The following CDH8 variants were observed in gnomAD, a reference collection of about 807,000 sequenced individuals.
CDH8 encodes cadherin-8.
In CDH8, 17 loss-of-function variants were observed where a neutral mutation model predicts 68.1. The ratio of observed to expected loss-of-function variants is 0.25; its 90% CI spans 0.17 to 0.37. The LOEUF is 0.37. CDH8 is among the 10% of genes least tolerant of loss of function. CDH8 has a pLI of 1.00. For synonymous variants in CDH8, 372 were observed against 365.1 expected (o/e 1.02, Z -0.21); for missense variants, 763 against 999.3 (o/e 0.76, Z 3.19).
intron 1 of CDH8, among the ~76,000 whole-genome samples, chr16:62,032,722 G>A (rs1259136886): frequency 1.3e-5 from 2 of 152,140 alleles, no homozygotes; most frequent in Non-Finnish European, 1.5e-5. Context: ...GACCAGAAAA[G>A]TGTGGTTGGA....
chr16:62,028,466 A>G (rs1902248017), intron 1 of CDH8, among the ~76,000 whole-genome samples: 1 of 152,120 alleles, frequency 6.6e-6, no homozygotes, highest in Admixed American at 6.5e-5. Flanking sequence ...CTTTGCAAAA[A>G]TCAATAAATA....
chr16:61,870,014 T>C (rs374899745), intron 3 of CDH8, among the ~76,000 whole-genome samples: 1 of 152,236 alleles, frequency 6.6e-6, no homozygotes, highest in African/African-American at 2.4e-5. Flanking sequence ...ACTACCTTTA[T>C]GTTTACCCTT....
At chr16:62,009,031 CAA>C (rs11305570) in intron 2 of CDH8, among the ~76,000 whole-genome samples, 82 of 140,948 alleles carry the variant, frequency 5.8e-4, no homozygotes, top group East Asian at 1.0e-3. Flanking sequence ...TATACACACA[CAA>C]AAAAAAAAAA....
intron 3 of CDH8, among the ~76,000 whole-genome samples, chr16:61,872,340 T>G (rs7189354): frequency 0.54 from 82,138 of 151,974 alleles, 24,618 homozygotes; most frequent in African/African-American, 0.82. Context: ...ATACAGATTG[T>G]TTCTATGCAT....
Position 61,713,906 on chromosome 16 carries a change from T to C in CDH8, c.1589A>G (p.Tyr530Cys). The change falls in exon 10 of 12, where the codon TAT (tyrosine) becomes TGT (cysteine). Residue 530 changes from tyrosine (Y) to cysteine (C), a missense_variant. By Grantham distance (194) the Tyr-to-Cys change is radical (BLOSUM62 -2). Around this residue, in one of 2 missense-constraint regions of CDH8, gnomAD observed 397 missense variants for 436.2 expected, o/e 0.91. Coordinates refer to ENST00000577390, the MANE Select transcript of CDH8 (RefSeq NM_001796.5). ...TTCTGGAAGGAGACTGTATAAGAAATAATGTCCGTTTTTGGGATCATCTTT... is the reference window on the plus strand; with the variant it reads ...TTCTGGAAGGAGACTGTATAAGAAACAATGTCCGTTTTTGGGATCATCTTT... Reference protein sequence around the residue: ...MDKDDPKNGHYFLYSLLPEMV... With the variant: ...MDKDDPKNGHCFLYSLLPEMV... 6.2e-7 allele frequency: 1 copy of C among 1,610,172 alleles called. No individual in the cohort carries two copies. The highest frequency in any genetic ancestry group is 8.5e-7 in the Non-Finnish European group (1 of 1,177,066).
intron 1 of CDH8, among the ~76,000 whole-genome samples, chr16:62,025,592 C>A (rs897216122): frequency 1.3e-5 from 2 of 152,238 alleles, no homozygotes; most frequent in African/African-American, 4.8e-5. Context: ...CCTGTCACAT[C>A]GTCTGTAGGG....
At chr16:61,739,884 C>CATATAT (rs35095367) in intron 8 of CDH8, among the ~76,000 whole-genome samples, 5,625 of 101,120 alleles carry the variant, frequency 0.056, 228 homozygotes, top group Non-Finnish European at 0.065. Flanking sequence ...CAACATATTC[C>CATATAT]ATATATATAT....
At chr16:61,726,734 T>C (rs1959381664) in intron 9 of CDH8, 3 of 334,136 alleles carry the variant, frequency 9.0e-6, no homozygotes, top group Non-Finnish European at 1.6e-5. Context: ...GAAACAAATG[T>C]CTCCTCTCCA....
chr16:61,767,321 T>C (rs1960620583), intron 8 of CDH8, among the ~76,000 whole-genome samples: 1 of 151,970 alleles, frequency 6.6e-6, no homozygotes, highest in South Asian at 2.1e-4. Flanking sequence ...CACATTCTAA[T>C]TATGAATTCA....
At chr16:61,732,719 C>T (rs993996389) in intron 8 of CDH8, among the ~76,000 whole-genome samples, 4 of 151,680 alleles carry the variant, frequency 2.6e-5, no homozygotes, top group Non-Finnish European at 5.9e-5. Flanking sequence ...GTAATTATGC[C>T]CTTATAAAAG....
chr16:61,735,178 A>G (rs1406852732), intron 8 of CDH8, among the ~76,000 whole-genome samples: 1 of 152,074 alleles, frequency 6.6e-6, no homozygotes, highest in Non-Finnish European at 1.5e-5. Context: ...CAAGATCCTT[A>G]CTTAATTACA....
chr16:61,840,412 T>G (rs1346440281), intron 4 of CDH8, among the ~76,000 whole-genome samples: 5 of 152,206 alleles, frequency 3.3e-5, no homozygotes, highest in Non-Finnish European at 7.3e-5. Flanking sequence ...CCATGTGCAT[T>G]CTAGTGGGAT....
chr16:61,959,806 C>A lies in CDH8; in HGVS notation c.253-58333G>T, dbSNP rs138426378. Among the ~76,000 whole-genome samples the A allele has an allele frequency of 3.9e-3, 553 of 143,452 alleles. 8 individuals carry two copies. The highest frequency in any genetic ancestry group is 0.014 in the African/African-American group (529 of 37,860). 94.1% of individuals were successfully genotyped at this position (143,452 alleles called of 152,430 possible). On this transcript the variant is annotated intron_variant, in intron 2 of 11. Transcript: ENST00000577390. Reference sequence around the variant, plus strand: ...GGAGGATATGGTCATTATACCTTAACAAATCTCTCTCTCTCTGTATGTGTG... The same window carrying A: ...GGAGGATATGGTCATTATACCTTAAAAAATCTCTCTCTCTCTGTATGTGTG...
At chr16:61,978,644 G>C (rs6498816) in intron 2 of CDH8, among the ~76,000 whole-genome samples, 82,086 of 151,926 alleles carry the variant, frequency 0.54, 22,542 homozygotes, top group East Asian at 0.67. Context: ...GTCCCCACTT[G>C]ACATATGAGA....
At chr16:61,794,443 T>C (rs1961451629) in intron 7 of CDH8, among the ~76,000 whole-genome samples, 1 of 152,084 alleles carries the variant, frequency 6.6e-6, no homozygotes, top group Non-Finnish European at 1.5e-5. Context: ...GCTTATAAAA[T>C]ACTTATTAAG....
chr16:61,657,359 G>T (rs539474317), intron 10 of CDH8, among the ~76,000 whole-genome samples: 1 of 152,116 alleles, frequency 6.6e-6, no homozygotes, highest in South Asian at 2.1e-4. Context: ...GGCCTATAAT[G>T]CTTTTCTAAT....
At chr16:61,978,538 C>A (rs745709602) in intron 2 of CDH8, among the ~76,000 whole-genome samples, 1 of 151,928 alleles carries the variant, frequency 6.6e-6, no homozygotes, top group Non-Finnish European at 1.5e-5. Context: ...CTATCAAATT[C>A]TTTTTTTTCC....
chr16:61,686,728 T>C (rs971659204), intron 10 of CDH8, among the ~76,000 whole-genome samples: 2 of 152,004 alleles, frequency 1.3e-5, no homozygotes, highest in Non-Finnish European at 2.9e-5. Context: ...TAATTGGAAG[T>C]CTTGCAGCTA....
At chr16:61,983,831 T>C (rs1277142285) in intron 2 of CDH8, among the ~76,000 whole-genome samples, 1 of 152,172 alleles carries the variant, frequency 6.6e-6, no homozygotes, top group Non-Finnish European at 1.5e-5. Context: ...ATGGCTGCCT[T>C]CTTGCTATGT....
Sources: gnomAD v4.1 joint callset for allele counts (sites outside exome capture counted in the v4.1 genomes callset) on GRCh38, gnomAD v4.1.1 for gene constraint, gnomAD v4.1.1 regional missense constraint, MANE v1.5 for transcripts, NCBI Gene and HGNC (gene_info 2026-07-23, HGNC 2026-07-21) for gene names.